BAIAP2L1: variants seen among roughly 807,000 people sequenced by gnomAD.
The protein encoded by BAIAP2L1 is BAR/IMD domain containing adaptor protein 2 like 1.
BAIAP2L1 carries 35 observed loss-of-function variants against 66.3 expected under a neutral mutation model. That is an observed-to-expected ratio of 0.53 (90% CI 0.40 to 0.70). BAIAP2L1 has a LOEUF of 0.70. Ranked by LOEUF, BAIAP2L1 falls within the 30% of genes least tolerant of loss-of-function variation. The pLI is 0.00. For missense variants in BAIAP2L1, 622 were observed against 656.9 expected (o/e 0.95, Z 0.58); for synonymous variants, 269 against 248.7 (o/e 1.08, Z -0.77).
chr7:98,340,312 G>C (rs1166527028), intron 3 of BAIAP2L1, among the ~76,000 whole-genome samples: 1 of 152,096 alleles, frequency 6.6e-6, no homozygotes, highest in Non-Finnish European at 1.5e-5. Flanking sequence ...TTTTGAGACA[G>C]AGTCTTGCCT....
chr7:98,320,849 T>C (rs895808400), intron 3 of BAIAP2L1, among the ~76,000 whole-genome samples: 1 of 129,506 alleles, frequency 7.7e-6, no homozygotes, highest in African/African-American at 2.5e-5. Flanking sequence ...TTCACATGAG[T>C]CTTTCTGTTC....
chr7:98,383,079 C>T (rs1194065905), intron 1 of BAIAP2L1, among the ~76,000 whole-genome samples: 1 of 151,966 alleles, frequency 6.6e-6, no homozygotes, highest in Non-Finnish European at 1.5e-5. Flanking sequence ...AGGAGAATCA[C>T]TTGAACCCAG....
intron 12 of BAIAP2L1, among the ~76,000 whole-genome samples, chr7:98,300,184 T>G (rs1198655335): frequency 1.3e-5 from 2 of 152,252 alleles, no homozygotes; most frequent in African/African-American, 4.8e-5. Flanking sequence ...TGCTCGTCTC[T>G]GACACACACA....
intron 1 of BAIAP2L1, among the ~76,000 whole-genome samples, chr7:98,385,178 G>A (rs1273523307): frequency 6.6e-6 from 1 of 151,726 alleles, no homozygotes; most frequent in Admixed American, 6.6e-5. Context: ...CATGGTGGCA[G>A]GGACCTGTAA....
At chr7:98,343,955 C>T (rs1156297227) in intron 3 of BAIAP2L1, among the ~76,000 whole-genome samples, 4 of 152,112 alleles carry the variant, frequency 2.6e-5, no homozygotes, top group Non-Finnish European at 2.9e-5. Flanking sequence ...CCGAGGCGGA[C>T]GGATCATGAG....
intron 2 of BAIAP2L1, among the ~76,000 whole-genome samples, chr7:98,356,947 A>G (rs1289399642): frequency 7.7e-6 from 1 of 129,444 alleles, no homozygotes; most frequent in African/African-American, 2.9e-5. Flanking sequence ...AGTGAACCAC[A>G]ACTGTACCAC....
rs567845620 is a variant in BAIAP2L1 at position 98,293,615 on chromosome 7, ATCTT to A, written c.1461-23_1461-20del. 1.7e-4 allele frequency: 278 copies of A among 1,606,758 alleles called. No individual in the cohort carries two copies. In the African/African-American group the frequency reaches 3.2e-3, roughly 19 times the overall value. Reference sequence around the variant, plus strand: ...TTCTCCGCTGCAGGGGATAAGAAAAATCTTTCAGAACTTCTGCTCTACGAGGGAA... The same window carrying A: ...TTCTCCGCTGCAGGGGATAAGAAAAATCAGAACTTCTGCTCTACGAGGGAA... On this transcript the variant is annotated intron_variant, in intron 13 of 13. Transcript: ENST00000005260.
Position 98,293,551 on chromosome 7 carries a change from C to T in BAIAP2L1, c.1506G>A (p.Thr502=), listed in dbSNP as rs560555048. The T allele has an allele frequency of 3.5e-5, 57 of 1,613,830 alleles. No individual in the cohort carries two copies. Among genetic ancestry groups the T allele is most frequent in the African/African-American group, 9.3e-5 (7 of 75,044 alleles). Residue 502 remains threonine (T), a synonymous_variant, in exon 14 of 14, where the codon ACG becomes ACA. Transcript: ENST00000005260. ...FATVKLRPTV[T]NDRSAPIIR Reference sequence around the variant, plus strand: ...GAATGATGGGTGCCGAGCGATCATTCGTCACAGTCGGGCGGAGTTTCACAG... The same window carrying T: ...GAATGATGGGTGCCGAGCGATCATTTGTCACAGTCGGGCGGAGTTTCACAG...
chr7:98,363,297 A>T (rs1453701415), intron 1 of BAIAP2L1, among the ~76,000 whole-genome samples: 1 of 151,902 alleles, frequency 6.6e-6, no homozygotes, highest in Non-Finnish European at 1.5e-5. Flanking sequence ...GGCCTCCCAA[A>T]ATGCTGGGAT....
In BAIAP2L1 at chr7:98,293,441, T is replaced by C; in HGVS notation, c.*80A>G. ...CCTCTCCACTGAAGCTTCCCGACCG[T>C]CAGCACGTGGCAGACAGGATGCGCC... On this transcript the variant is annotated 3_prime_UTR_variant, in exon 14 of 14. Transcript: ENST00000005260. 1 of 1,350,276 alleles carries C rather than the reference T, an allele frequency of 7.4e-7. No homozygotes were observed. The highest frequency in any genetic ancestry group is 1.2e-5 in the South Asian group (1 of 85,120). The allele number at this position is 1,350,276 out of a possible 1,614,324, so 83.6% of individuals were successfully genotyped here.
chr7:98,368,810 T>A (rs925397914), intron 1 of BAIAP2L1, among the ~76,000 whole-genome samples: 7 of 152,026 alleles, frequency 4.6e-5, no homozygotes, highest in East Asian at 1.9e-4. Context: ...TTTTTATTTT[T>A]TTTTTTTGGC....
chr7:98,353,273 G>C (rs1802038449), intron 3 of BAIAP2L1, among the ~76,000 whole-genome samples: 1 of 148,248 alleles, frequency 6.7e-6, no homozygotes, highest in South Asian at 2.1e-4. Context: ...GGGAATCCTA[G>C]AGGCCAAGAG....
chr7:98,293,476 G>A lies in BAIAP2L1; in HGVS notation c.*45C>T, dbSNP rs751464896. 15 of 1,568,362 alleles carry A rather than the reference G, an allele frequency of 9.6e-6. No homozygotes were observed. Among genetic ancestry groups the A allele is most frequent in the Admixed American group, 8.4e-5 (5 of 59,498 alleles). ...GCAGACAGGATGCGCCCATCATTCC[G>A]CAAGGGAGAACCGGAGAGGCCCGGG... On this transcript the variant is annotated 3_prime_UTR_variant, in exon 14 of 14. Transcript: ENST00000005260.
At chr7:98,359,745 G>GTTTTTTTTTTTTT (rs780836343) in intron 2 of BAIAP2L1, among the ~76,000 whole-genome samples, 22 of 109,044 alleles carry the variant, frequency 2.0e-4, no homozygotes, top group Non-Finnish European at 3.4e-4. Context: ...GTAGACCTGG[G>GTTTTTTTTTTTTT]TTTTTTTTTT....
At chr7:98,365,081 A>G (rs577357216) in intron 1 of BAIAP2L1, among the ~76,000 whole-genome samples, 67 of 137,692 alleles carry the variant, frequency 4.9e-4, no homozygotes, top group African/African-American at 1.7e-3. Flanking sequence ...ATTTCTTCCT[A>G]TGTGACTTTT....
At chr7:98,376,061 C>T (rs1201181400) in intron 1 of BAIAP2L1, among the ~76,000 whole-genome samples, 2 of 152,170 alleles carry the variant, frequency 1.3e-5, no homozygotes, top group Admixed American at 1.3e-4. Flanking sequence ...TTCACTCTTA[C>T]ATCTTATTTC....
At chr7:98,293,681 C>T in intron 13 of BAIAP2L1, 85 bp from the exon 14 acceptor site, 3 of 1,354,590 alleles carry the variant, frequency 2.2e-6, no homozygotes, top group Non-Finnish European at 3.2e-6. Flanking sequence ...CGTTCTTGCC[C>T]TGTGAGACTG....
rs1363198563 is a variant in BAIAP2L1, at chr7:98,401,023, A to C, written c.-171T>G. 4.0e-6 allele frequency: 2 copies of C among 498,548 alleles called. No individual in the cohort carries two copies. The highest frequency in any genetic ancestry group is 6.4e-6 in the Non-Finnish European group (2 of 314,820). The allele number at this position is 498,548 out of a possible 1,614,324, so 30.9% of individuals were successfully genotyped here. A position where few individuals can be genotyped will look rare whatever the true frequency, so the allele number is the denominator to read the frequency against. Reference sequence around the variant, plus strand: ...GCGCGTCTCCGCTGCGAAAATGTCAAAACTTGCGGCAGCGCCGCCCTGGCC... The same window carrying C: ...GCGCGTCTCCGCTGCGAAAATGTCACAACTTGCGGCAGCGCCGCCCTGGCC... On this transcript the variant is annotated 5_prime_UTR_variant, in exon 1 of 14. Transcript: ENST00000005260.
At chr7:98,391,708 CAAAA>C (rs35659859) in intron 1 of BAIAP2L1, among the ~76,000 whole-genome samples, 5 of 99,258 alleles carry the variant, frequency 5.0e-5, no homozygotes, top group East Asian at 2.7e-4. Flanking sequence ...GACTCCGTCT[CAAAA>C]AAAAAAAAAA....
Sources: allele counts gnomAD v4.1 joint callset (sites outside exome capture counted in the v4.1 genomes callset), GRCh38; gene constraint gnomAD v4.1.1; transcripts MANE v1.5; gene names NCBI Gene and HGNC (gene_info 2026-07-23, HGNC 2026-07-21).